Variants in ADM2 observed in about 807,000 individuals in gnomAD.
The protein encoded by ADM2 is protein ADM2.
A neutral mutation model predicts 7.1 loss-of-function variants in ADM2; 5 were observed. The ratio of observed to expected loss-of-function variants is 0.71; its 90% CI spans 0.37 to 1.49. The LOEUF is 1.49. ADM2 is among the 40% of genes most tolerant of loss of function. The pLI, the probability that ADM2 is intolerant of heterozygous loss-of-function variation, is 0.03. For missense variants in ADM2, 236 were observed against 211.2 expected (o/e 1.12, Z -0.73); for synonymous variants, 123 against 92.8 (o/e 1.33, Z -1.87).
At position 50,483,375 on chromosome 22, in the gene ADM2, G is replaced by A. The variant is rs2068223517; in HGVS notation, c.*472G>A. Reference sequence around the variant, plus strand: ...CCAGCCCTTCCACGTGCCTGCCTGTGGGACAGGAGGGGGAGCGTGGGATGC... The same window carrying A: ...CCAGCCCTTCCACGTGCCTGCCTGTAGGACAGGAGGGGGAGCGTGGGATGC... On this transcript the variant is annotated 3_prime_UTR_variant, in exon 3 of 3. Transcript: ENST00000395737. 2 of 427,378 alleles carry A rather than the reference G, an allele frequency of 4.7e-6. No individual in the cohort carries two copies. The allele number at this position is 427,378 out of a possible 1,614,324, so 26.5% of individuals were successfully genotyped here.
In ADM2 at chr22:50,482,852, C is replaced by T. The variant is rs2068214706; in HGVS notation, c.396C>T (p.Gly132=). 1 of 1,606,804 alleles carries T rather than the reference C, an allele frequency of 6.2e-7. No homozygotes were observed. The highest frequency in any genetic ancestry group is 8.5e-7 in the Non-Finnish European group (1 of 1,179,258). ...TGTGGCAACTCATGGGACCGGCCGGCCGGCAGGACTCAGCTCCTGTGGACC... is the reference window on the plus strand; with the variant it reads ...TGTGGCAACTCATGGGACCGGCCGGTCGGCAGGACTCAGCTCCTGTGGACC... The part of the protein sequence containing the change: ...HRLWQLMGPA[G]RQDSAPVDPS... Residue 132 remains glycine, a synonymous_variant, in exon 3 of 3, where the codon GGC becomes GGT. Transcript: ENST00000395737.
Position 50,484,403 on chromosome 22 carries a change from G to A in ADM2, c.*1500G>A. The A allele has an allele frequency of 6.6e-6, 1 of 152,596 alleles. No homozygotes were observed. The highest frequency in any genetic ancestry group is 1.5e-5 in the Non-Finnish European group (1 of 68,206). 9.5% of individuals were successfully genotyped at this position (152,596 alleles called of 1,614,324 possible). On this transcript the variant is annotated 3_prime_UTR_variant, in exon 3 of 3. Coordinates refer to ENST00000395737, the MANE Select transcript of ADM2 (RefSeq NM_001253845.2). Reference sequence around the variant, plus strand: ...TCTGAGGACAGCAGGCCTTCCCTAGGGGAAGGAGCTGGGAGTGCCAAGGCC... The same window carrying A: ...TCTGAGGACAGCAGGCCTTCCCTAGAGGAAGGAGCTGGGAGTGCCAAGGCC...
rs759054465 is a variant in ADM2, at chr22:50,482,975, C to A, written c.*72C>A. On this transcript the variant is annotated 3_prime_UTR_variant, in exon 3 of 3. Transcript: ENST00000395737. ...CCCCCGTCCAGAGCTGCAGCTGAGC[C>A]CCATCTGAAGCCCAGTCCCTCGGAG... is the stretch of plus-strand genomic sequence containing the variant. 1 of 1,536,816 alleles carries A rather than the reference C, an allele frequency of 6.5e-7. No individual in the cohort carries two copies. The highest frequency in any genetic ancestry group is 8.7e-7 in the Non-Finnish European group (1 of 1,146,670).
Position 50,482,612 on chromosome 22 carries a change from C to T in ADM2, c.156C>T (p.His52=), listed in dbSNP as rs1290451349. The change falls in exon 3 of 3, where the codon CAC becomes CAT. Residue 52 remains histidine (H), a synonymous_variant. Transcript: ENST00000395737. ...RSPSSSLQPR[H]PAPRPVVWKL... is the part of the protein sequence containing the mutation. ...CTTCCAGCAGCCTGCAGCCCAGGCA[C>T]CCCGCACCCCGACCTGTGGTCTGGA... 1 of 1,496,116 alleles carries T rather than the reference C, an allele frequency of 6.7e-7. No individual in the cohort carries two copies. Among genetic ancestry groups the T allele is most frequent in the African/African-American group, 1.4e-5 (1 of 71,444 alleles). The allele number at this position is 1,496,116 out of a possible 1,614,324, so 92.7% of individuals were successfully genotyped here. A position where few individuals can be genotyped will look rare whatever the true frequency, so the allele number is the denominator to read the frequency against.
Position 50,482,733 on chromosome 22 carries a change from C to G in ADM2, c.277C>G (p.Arg93Gly), listed in dbSNP as rs764735248. The G allele has an allele frequency of 4.7e-6, 6 of 1,280,828 alleles. No homozygotes were observed. The highest frequency in any genetic ancestry group is 6.4e-6 in the Non-Finnish European group (6 of 944,180). 79.3% of individuals were successfully genotyped at this position (1,280,828 alleles called of 1,614,324 possible). A position where few individuals can be genotyped will look rare whatever the true frequency, so the allele number is the denominator to read the frequency against. ...RDGGRQHSGP[R>G]RHSGPRRTQA... ...TGGTGGCCGCCAACACTCGGGCCCC[C>G]GAAGACACTCGGGCCCCCGCAGGAC... is the stretch of plus-strand genomic sequence containing the variant. The change falls in exon 3 of 3, where the codon CGA becomes GGA. Residue 93 changes from arginine to glycine, a missense_variant. Arg to Gly is a moderately radical substitution (Grantham distance 125). Coordinates refer to ENST00000395737, the MANE Select transcript of ADM2 (RefSeq NM_001253845.2).
rs538285744 is a variant in ADM2, at chr22:50,482,619, C to A, written c.163C>A (p.Pro55Thr). 1 of 1,508,436 alleles carries A rather than the reference C, an allele frequency of 6.6e-7. No homozygotes were observed. The highest frequency in any genetic ancestry group is 2.2e-5 in the Admixed American group (1 of 45,268). 93.4% of individuals were successfully genotyped at this position (1,508,436 alleles called of 1,614,324 possible). A position where few individuals can be genotyped will look rare whatever the true frequency, so the allele number is the denominator to read the frequency against. ...SSSLQPRHPA[P>T]RPVVWKLHRA... ...CAGCCTGCAGCCCAGGCACCCCGCA[C>A]CCCGACCTGTGGTCTGGAAGCTTCA... The change falls in exon 3 of 3, where the codon CCC (proline) becomes ACC (threonine). Residue 55 changes from proline to threonine, a missense_variant. Transcript: ENST00000395737.
In ADM2 at chr22:50,482,555, C is replaced by T. The variant is rs1166756604; in HGVS notation, c.111-12C>T. The T allele has an allele frequency of 6.9e-7, 1 of 1,452,400 alleles. No homozygotes were observed. 90.0% of individuals were successfully genotyped at this position (1,452,400 alleles called of 1,614,324 possible). A position where few individuals can be genotyped will look rare whatever the true frequency, so the allele number is the denominator to read the frequency against. On this transcript the variant is annotated splice_polypyrimidine_tract_variant and intron_variant, in intron 2 of 2. Transcript: ENST00000395737. ...GAGCCATCTGGTTGACATTCTCCAT[C>T]TGCCTCTGCAGGGAGCCCCCAGCCC... is the stretch of plus-strand genomic sequence containing the variant.
Position 50,481,599 on chromosome 22 carries a change from G to C in ADM2, c.-176G>C. 4.1e-6 allele frequency: 1 copy of C among 244,076 alleles called. No homozygotes were observed. Among genetic ancestry groups the C allele is most frequent in the South Asian group, 1.7e-4 (1 of 5,752 alleles). The allele number at this position is 244,076 out of a possible 1,614,324, so 15.1% of individuals were successfully genotyped here. Reference sequence around the variant, plus strand: ...CATCCCGGGCCGCGACTCCGCTCCAGGCAGGACCCCCAACCCGCCCAGCCC... The same window carrying C: ...CATCCCGGGCCGCGACTCCGCTCCACGCAGGACCCCCAACCCGCCCAGCCC... On this transcript the variant is annotated 5_prime_UTR_variant, in exon 1 of 3. Transcript: ENST00000395737.
In ADM2 at chr22:50,483,399, G is replaced by A. The variant is rs1216707295; in HGVS notation, c.*496G>A. 7.4e-6 allele frequency: 3 copies of A among 407,928 alleles called. No homozygotes were observed. The East Asian group carries it at 2.2e-4, about 30-fold the overall frequency. The allele number at this position is 407,928 out of a possible 1,614,324, so 25.3% of individuals were successfully genotyped here. A position where few individuals can be genotyped will look rare whatever the true frequency, so the allele number is the denominator to read the frequency against. ...TGGGACAGGAGGGGGAGCGTGGGAT[G>A]CTGTAGCCCCCGGGGTTGGGCAAGG... On this transcript the variant is annotated 3_prime_UTR_variant, in exon 3 of 3. Coordinates refer to ENST00000395737, the MANE Select transcript of ADM2 (RefSeq NM_001253845.2).
Position 50,485,604 on chromosome 22 carries a change from C to A in ADM2, c.*2701C>A, listed in dbSNP as rs2068256733. On this transcript the variant is annotated 3_prime_UTR_variant, in exon 3 of 3. Coordinates refer to ENST00000395737, the MANE Select transcript of ADM2 (RefSeq NM_001253845.2). ...CATTCTAGGGGGAGATAGAAGGAGA[C>A]AAACGTAGAAGGTAGAATAAGTGGG... 1.3e-5 allele frequency: 2 copies of A among 152,414 alleles called. No individual in the cohort carries two copies. The highest frequency in any genetic ancestry group is 2.1e-4 in the South Asian group (1 of 4,842). The allele number at this position is 152,414 out of a possible 1,614,324, so 9.4% of individuals were successfully genotyped here. A position where few individuals can be genotyped will look rare whatever the true frequency, so the allele number is the denominator to read the frequency against.
rs1180593074 is a variant in ADM2, at chr22:50,486,167, A to G, written c.*3264A>G. ...GGGCCCGCCGACCCCGGTGTTAGCA[A>G]GAATCCTCTAAATCAGTTTATGGAG... On this transcript the variant is annotated 3_prime_UTR_variant, in exon 3 of 3. Transcript: ENST00000395737. The G allele has an allele frequency of 6.6e-6, 1 of 152,344 alleles. No individual in the cohort carries two copies. The highest frequency in any genetic ancestry group is 1.5e-5 in the Non-Finnish European group (1 of 68,182). 9.4% of individuals were successfully genotyped at this position (152,344 alleles called of 1,614,324 possible).
In ADM2 at chr22:50,481,827, T is replaced by A; in HGVS notation, c.-11-10T>A. 1 of 1,458,356 alleles carries A rather than the reference T, an allele frequency of 6.9e-7. No homozygotes were observed. Among genetic ancestry groups the A allele is most frequent in the Non-Finnish European group, 9.0e-7 (1 of 1,105,084 alleles). 90.3% of individuals were successfully genotyped at this position (1,458,356 alleles called of 1,614,324 possible). ...CCGACGTGCCCGGCTCACCGCCCCC[T>A]CCCCTGCAGCCCCGCCCGCCATGGC... On this transcript the variant is annotated splice_polypyrimidine_tract_variant and intron_variant, in intron 1 of 2. Transcript: ENST00000395737.
Position 50,481,824 on chromosome 22 carries a change from C to A in ADM2, c.-11-13C>A. The stretch of plus-strand genomic sequence containing the variant: ...CCCCCGACGTGCCCGGCTCACCGCC[C>A]CCTCCCCTGCAGCCCCGCCCGCCAT... On this transcript the variant is annotated splice_polypyrimidine_tract_variant and intron_variant, in intron 1 of 2. Transcript: ENST00000395737. 6.8e-6 allele frequency: 10 copies of A among 1,463,980 alleles called. No individual in the cohort carries two copies. Among genetic ancestry groups the A allele is most frequent in the Non-Finnish European group, 9.0e-6 (10 of 1,110,256 alleles). The allele number at this position is 1,463,980 out of a possible 1,614,324, so 90.7% of individuals were successfully genotyped here.
chr22:50,484,253 G>A lies in ADM2; in HGVS notation c.*1350G>A, dbSNP rs114516558. 0.017 allele frequency: 2,656 copies of A among 152,598 alleles called. 38 individuals carry two copies. Among genetic ancestry groups the A allele is most frequent in the African/African-American group, 0.034 (1,404 of 41,580 alleles). 9.5% of individuals were successfully genotyped at this position (152,598 alleles called of 1,614,324 possible). On this transcript the variant is annotated 3_prime_UTR_variant, in exon 3 of 3. Coordinates refer to ENST00000395737, the MANE Select transcript of ADM2 (RefSeq NM_001253845.2). ...TGTGGGAACGGTCCAGGCTGGTCCTGCCCTGTGGAGGCCTCCGTGCACTGA... is the reference window on the plus strand; with the variant it reads ...TGTGGGAACGGTCCAGGCTGGTCCTACCCTGTGGAGGCCTCCGTGCACTGA...
chr22:50,482,526 G>T, intron 2 of ADM2, 41 bp from the exon 3 acceptor site: 1 of 1,445,172 alleles, frequency 6.9e-7, no homozygotes. Flanking sequence ...TTCTCCAAAA[G>T]GCTGAGCCAT....
Position 50,483,117 on chromosome 22 carries a change from C to T in ADM2, c.*214C>T, listed in dbSNP as rs758659354. On this transcript the variant is annotated 3_prime_UTR_variant, in exon 3 of 3. Transcript: ENST00000395737. ...AGCCTAAACACCCTGAAATTGTGAC[C>T]CCCTGGGGGACAGCTGCCAGACACA... 1.3e-5 allele frequency: 11 copies of T among 841,164 alleles called. No individual in the cohort carries two copies. The highest frequency in any genetic ancestry group is 1.1e-4 in the South Asian group (8 of 69,570). 52.1% of individuals were successfully genotyped at this position (841,164 alleles called of 1,614,324 possible). A position where few individuals can be genotyped will look rare whatever the true frequency, so the allele number is the denominator to read the frequency against.
rs894282871 is a variant in ADM2, at chr22:50,486,000, C to A, written c.*3097C>A. The A allele has an allele frequency of 6.6e-6, 1 of 152,236 alleles. No individual in the cohort carries two copies. The highest frequency in any genetic ancestry group is 2.4e-5 in the African/African-American group (1 of 41,424). 9.4% of individuals were successfully genotyped at this position (152,236 alleles called of 1,614,324 possible). A position where few individuals can be genotyped will look rare whatever the true frequency, so the allele number is the denominator to read the frequency against. On this transcript the variant is annotated 3_prime_UTR_variant, in exon 3 of 3. Coordinates refer to ENST00000395737, the MANE Select transcript of ADM2 (RefSeq NM_001253845.2). The stretch of plus-strand genomic sequence containing the variant: ...CATGCATGGGAAGTTGCGTTGGCGG[C>A]CTGGGTGTTGGCGGTTCCGTGCCTG...
Position 50,481,666 on chromosome 22 carries a change from G to T in ADM2, c.-109G>T. The T allele has an allele frequency of 3.6e-6, 1 of 275,590 alleles. No individual in the cohort carries two copies. The highest frequency in any genetic ancestry group is 6.6e-6 in the Non-Finnish European group (1 of 151,542). 17.1% of individuals were successfully genotyped at this position (275,590 alleles called of 1,614,324 possible). ...CGGACCCGCGGCCGACCCCAGACCCGCTGCCCGCTTCGCGCCCGAGGCCTG... is the reference window on the plus strand; with the variant it reads ...CGGACCCGCGGCCGACCCCAGACCCTCTGCCCGCTTCGCGCCCGAGGCCTG... On this transcript the variant is annotated 5_prime_UTR_variant, in exon 1 of 3. Coordinates refer to ENST00000395737, the MANE Select transcript of ADM2 (RefSeq NM_001253845.2).
chr22:50,482,356 C>T (rs1213997125), intron 2 of ADM2, among the ~76,000 whole-genome samples: 1 of 152,118 alleles, frequency 6.6e-6, no homozygotes, highest in African/African-American at 2.4e-5. Flanking sequence ...TGCCGGTTCC[C>T]GGGACACGTG....
Sources: allele counts gnomAD v4.1 joint callset (sites outside exome capture counted in the v4.1 genomes callset), GRCh38; gene constraint gnomAD v4.1.1; transcripts MANE v1.5; gene names NCBI Gene and HGNC (gene_info 2026-07-23, HGNC 2026-07-21).